LILRB1: variants seen among roughly 807,000 people sequenced by gnomAD.
The protein encoded by LILRB1 is leukocyte immunoglobulin-like receptor subfamily B member 1.
A neutral mutation model predicts 74.6 loss-of-function variants in LILRB1; 59 were observed. The observed-to-expected ratio is 0.79, with a 90% CI of 0.64 to 0.98. LILRB1 has a LOEUF of 0.98. LILRB1 is among the 50% of genes least tolerant of loss of function. LILRB1 has a pLI of 0.00. For missense variants in LILRB1, 804 were observed against 822.6 expected (o/e 0.98, Z 0.28); for synonymous variants, 328 against 333.9 (o/e 0.98, Z 0.19).
intron 10 of LILRB1, 128 bp downstream of exon 10, chr19:54,634,891 C>T (rs534699242): frequency 2.9e-5 from 44 of 1,511,590 alleles, no homozygotes; most frequent in African/African-American, 9.7e-5. Flanking sequence ...CCAGGCCAAT[C>T]GACAGTCAGT....
intron 13 of LILRB1, chr19:54,636,061 C>G: frequency 1.9e-6 from 1 of 540,138 alleles, no homozygotes. Flanking sequence ...TGTGCCGCCT[C>G]CAGGAGTGCA....
intron 13 of LILRB1, 186 bp from the exon 14 acceptor site, chr19:54,636,308 C>G (rs146943329): frequency 0.047 from 54,753 of 1,174,816 alleles, 1,257 homozygotes; most frequent in Non-Finnish European, 0.05. Flanking sequence ...AAATGGGCAA[C>G]GTCAGAGTGA....
chr19:54,634,251 C>A (rs2064185128), intron 9 of LILRB1: 3 of 1,514,232 alleles, frequency 2.0e-6, no homozygotes, highest in African/African-American at 2.8e-5. Flanking sequence ...GGGAACCTCC[C>A]AGACCCGATT....
rs2064547631 is a variant in LILRB1, at chr19:54,637,582, A to ACAAGTTATT, written c.*706_*714dup. 1 of 152,116 alleles carries ACAAGTTATT rather than the reference A, an allele frequency of 6.6e-6. No individual in the cohort carries two copies. 9.4% of individuals were successfully genotyped at this position (152,116 alleles called of 1,614,324 possible). A position where few individuals can be genotyped will look rare whatever the true frequency, so the allele number is the denominator to read the frequency against. Reference sequence around the variant, plus strand: ...GAGAAAAAAGAAATTTAGAAGAATAACAAGTTATTCCAAATGAAGGCGTAA... The same window carrying ACAAGTTATT: ...GAGAAAAAAGAAATTTAGAAGAATAACAAGTTATTCAAGTTATTCCAAATGAAGGCGTAA... On this transcript the variant is annotated 3_prime_UTR_variant, in exon 15 of 15. Transcript: ENST00000324602.
chr19:54,636,618 G>A lies in LILRB1; in HGVS notation c.1778G>A (p.Arg593Lys), dbSNP rs1273930622. 4 of 1,610,038 alleles carry A rather than the reference G, an allele frequency of 2.5e-6. No homozygotes were observed. The highest frequency in any genetic ancestry group is 3.4e-6 in the Non-Finnish European group (4 of 1,178,372). Residue 593 changes from arginine (R) to lysine (K), a missense_variant, in exon 14 of 15, where the codon AGA (arginine) becomes AAA (lysine). Coordinates refer to ENST00000324602, the MANE Select transcript of LILRB1 (RefSeq NM_001081637.3). ...GGGGAATTCCTGGACACAAAGGACA[G>A]ACAGGCGGAAGAGGACAGGCAGATG... The part of the protein sequence containing the change: ...LSGEFLDTKD[R>K]QAEEDRQMDT...
chr19:54,617,877 G>A (rs1319756525), intron 1 of LILRB1, among the ~76,000 whole-genome samples: 1 of 152,022 alleles, frequency 6.6e-6, no homozygotes, highest in Non-Finnish European at 1.5e-5. Flanking sequence ...TGAGGTAGGT[G>A]ACTCATGTGA....
In LILRB1 at chr19:54,631,317, C is replaced by A. The variant is rs372678327; in HGVS notation, c.70+11C>A. The A allele has an allele frequency of 6.2e-7, 1 of 1,613,144 alleles. No homozygotes were observed. The highest frequency in any genetic ancestry group is 1.1e-5 in the South Asian group (1 of 91,042). On this transcript the variant is annotated intron_variant, in intron 3 of 14. Coordinates refer to ENST00000324602, the MANE Select transcript of LILRB1 (RefSeq NM_001081637.3). ...CCCACGTGCAGGCAGGTGAGTCTGT[C>A]CCCAGCTCTTCCAGGTCCCTCCTCC...
intron 1 of LILRB1, among the ~76,000 whole-genome samples, chr19:54,622,878 G>A (rs1443334146): frequency 6.6e-6 from 1 of 152,162 alleles, no homozygotes; most frequent in East Asian, 1.9e-4. Context: ...TTATCATGAA[G>A]GGATATTGGA....
upstream of LILRB1, among the ~76,000 whole-genome samples, chr19:54,625,483 C>T (rs538669709): frequency 6.3e-4 from 96 of 152,256 alleles, no homozygotes; most frequent in African/African-American, 2.2e-3. Context: ...ACTCCCTGTG[C>T]CTCTGTAGGC....
Position 54,631,468 on chromosome 19 carries a change from G to A in LILRB1, c.71-32G>A, listed in dbSNP as rs772194030. 1.8e-5 allele frequency: 29 copies of A among 1,598,540 alleles called. No homozygotes were observed. The South Asian group carries it at 2.8e-4, about 16-fold the overall frequency. On this transcript the variant is annotated intron_variant, in intron 3 of 14. Transcript: ENST00000324602. ...GAATCTGCTGGGTTGGGTGGGAAAT[G>A]AGTTAGAATCTGACTCCTGATTTCC... is the stretch of plus-strand genomic sequence containing the variant.
chr19:54,636,264 G>A (rs985619337), intron 13 of LILRB1: 12 of 795,502 alleles, frequency 1.5e-5, no homozygotes, highest in Non-Finnish European at 2.2e-5. Context: ...AGGCAGCAGC[G>A]AGCTCTTGCA....
chr19:54,619,314 T>C (rs1201781886), intron 1 of LILRB1, among the ~76,000 whole-genome samples: 1 of 152,096 alleles, frequency 6.6e-6, no homozygotes, highest in Non-Finnish European at 1.5e-5. Flanking sequence ...GTGGTCTCTG[T>C]AAGTCACAAT....
chr19:54,628,937 G>C (rs2063674362), upstream of LILRB1, among the ~76,000 whole-genome samples: 1 of 152,184 alleles, frequency 6.6e-6, no homozygotes, highest in African/African-American at 2.4e-5. Flanking sequence ...GGGCTATGGA[G>C]CTATGAGCCA....
rs2064493650 is a variant in LILRB1 at position 54,636,888 on chromosome 19, G to A, written c.*10G>A. 1.9e-6 allele frequency: 3 copies of A among 1,613,382 alleles called. No individual in the cohort carries two copies. The Admixed American group carries it at 5.0e-5, about 27-fold the overall frequency. ...TCTGGCCATCCACTAGCCCAGGGGG[G>A]GACGCAGACCCCACACTCCATGGAG... On this transcript the variant is annotated 3_prime_UTR_variant, in exon 15 of 15. Transcript: ENST00000324602.
At chr19:54,634,139 G>A in intron 9 of LILRB1, 118 bp downstream of exon 9, 1 of 1,531,208 alleles carries the variant, frequency 6.5e-7, no homozygotes, top group Non-Finnish European at 8.8e-7. Flanking sequence ...CCCCTGCTTG[G>A]GCCTCAGTTT....
Position 54,635,592 on chromosome 19 carries a change from G to C in LILRB1, c.1636G>C (p.Val546Leu), listed in dbSNP as rs918944070. The C allele has an allele frequency of 5.0e-6, 8 of 1,613,916 alleles. No homozygotes were observed. In the Admixed American group the frequency reaches 8.3e-5, roughly 17 times the overall value. The change falls in exon 13 of 15, where the codon GTG (valine) becomes CTG (leucine). Residue 546 changes from valine to leucine, a missense_variant. Transcript: ENST00000324602. ...AVKHTQPEDG[V>L]EMDTRQSPHD... Reference sequence around the variant, plus strand: ...GAAGCACACACAGCCTGAGGATGGGGTGGAGATGGACACTCGGGTGAGACC... The same window carrying C: ...GAAGCACACACAGCCTGAGGATGGGCTGGAGATGGACACTCGGGTGAGACC...
chr19:54,630,875 G>A lies in LILRB1; in HGVS notation c.-48-151G>A, dbSNP rs1489887572. 1.5e-5 allele frequency: 15 copies of A among 978,440 alleles called. No individual in the cohort carries two copies. The East Asian group carries it at 3.8e-4, about 25-fold the overall frequency. The allele number at this position is 978,440 out of a possible 1,614,324, so 60.6% of individuals were successfully genotyped here. Reference sequence around the variant, plus strand: ...TCTGAAATGATGCAGAGGGCCTAGTGACTGCCCCCACCTCAGCCCTAATGG... The same window carrying A: ...TCTGAAATGATGCAGAGGGCCTAGTAACTGCCCCCACCTCAGCCCTAATGG... On this transcript the variant is annotated intron_variant, in intron 1 of 14. Transcript: ENST00000324602.
In LILRB1 at chr19:54,623,916, G is replaced by A. The variant is rs139027898; in HGVS notation, c.-166+6567G>A. Among the ~76,000 whole-genome samples, 1,044 of 152,286 alleles carry A rather than the reference G, an allele frequency of 6.9e-3. 15 individuals are homozygous for A. The highest frequency in any genetic ancestry group is 0.024 in the African/African-American group (999 of 41,544). ...GGAAGGGTCTTTTGGCTTTTCCCAT[G>A]GCTTTGGGAGCTTCTGCAGCAGGGT... On this transcript the variant is annotated intron_variant, in intron 1 of 15. Transcript: ENST00000396331.
intron 12 of LILRB1, 23 bp from the exon 13 acceptor site, chr19:54,635,534 A>G (rs375597744): frequency 2.6e-5 from 42 of 1,605,790 alleles, no homozygotes; most frequent in Non-Finnish European, 1.3e-5. Context: ...CCAAGAGACA[A>G]ACCCCTTGCT....
Sources: gnomAD v4.1 joint callset for allele counts (sites outside exome capture counted in the v4.1 genomes callset) on GRCh38, gnomAD v4.1.1 for gene constraint, MANE v1.5 for transcripts, NCBI Gene and HGNC (gene_info 2026-07-23, HGNC 2026-07-21) for gene names.